The following HTR4 variants were observed in gnomAD, a reference collection of about 807,000 sequenced individuals.
HTR4 encodes the protein 5-hydroxytryptamine receptor 4, also known as 5-hydroxytryptamine (serotonin) receptor 4, G protein-coupled.
Under a neutral mutation model 36.8 loss-of-function variants are expected in HTR4, and 16 were observed. The ratio of observed to expected loss-of-function variants is 0.43; its 90% CI spans 0.29 to 0.66. The LOEUF (loss-of-function observed/expected upper bound fraction) is 0.66. Among genes scored for constraint, HTR4 ranks in the 30% least tolerant of loss-of-function variants. HTR4 has a pLI of 0.13. For missense variants in HTR4, 438 were observed against 490.9 expected, an observed-to-expected ratio of 0.89 and a Z score of 1.02; for synonymous variants, 189 against 185.1, an observed-to-expected ratio of 1.02 and a Z score of -0.17.
chr5:148,654,290 G>A lies in HTR4; in HGVS notation c.-276C>T, dbSNP rs919007045. 9.6e-5 allele frequency: 95 copies of A among 985,132 alleles called. No individual in the cohort carries two copies. In the African/African-American group the frequency reaches 1.5e-3, roughly 16 times the overall value. 61.0% of individuals were successfully genotyped at this position (985,132 alleles called of 1,614,324 possible). ...AGGACCCCAGCCCCGGATCACCTGG[G>A]CTCGCCGCGCATCGTCCTTCTCCCC... On this transcript the variant is annotated 5_prime_UTR_variant, in exon 1 of 7. Transcript: ENST00000377888.
At chr5:148,630,421 G>C (rs1238204770) in intron 2 of HTR4, 1 of 152,120 alleles carries the variant, frequency 6.6e-6, no homozygotes, top group Non-Finnish European at 1.5e-5. Context: ...GCAGAGAAAA[G>C]AGAAAATGGT....
chr5:148,476,845 A>G, downstream of HTR4: 1 of 1,581,108 alleles, frequency 6.3e-7, no homozygotes, highest in East Asian at 2.2e-5. Flanking sequence ...GGGGATTGGA[A>G]TAGGTCAAAA....
chr5:148,639,775 A>G (rs1179867156), intron 1 of HTR4, among the ~76,000 whole-genome samples: 2 of 151,868 alleles, frequency 1.3e-5, no homozygotes, highest in Non-Finnish European at 2.9e-5. Context: ...TTGTGTCCTC[A>G]TCATAGATAT....
chr5:148,501,013 A>G (rs1756912981), intron 6 of HTR4, among the ~76,000 whole-genome samples: 2 of 152,182 alleles, frequency 1.3e-5, no homozygotes, highest in Admixed American at 1.3e-4. Flanking sequence ...TATCTGAAAG[A>G]AATACTAGCA....
chr5:148,485,688 G>A (rs1455602754), intron 6 of HTR4, among the ~76,000 whole-genome samples: 1 of 152,158 alleles, frequency 6.6e-6, no homozygotes, highest in African/African-American at 2.4e-5. Flanking sequence ...GGGAGACTAG[G>A]TGTAAAGGGG....
At chr5:148,518,762 T>C (rs1275726622) in intron 5 of HTR4, among the ~76,000 whole-genome samples, 5 of 152,146 alleles carry the variant, frequency 3.3e-5, no homozygotes, top group Non-Finnish European at 7.4e-5. Context: ...CCAAGCATGC[T>C]CCCACTCCAG....
chr5:148,538,110 A>G (rs1758921488), intron 4 of HTR4, among the ~76,000 whole-genome samples: 1 of 152,192 alleles, frequency 6.6e-6, no homozygotes, highest in South Asian at 2.1e-4. Flanking sequence ...CATCACATAA[A>G]CAGAACTAAA....
chr5:148,608,119 G>A (rs906068471), intron 2 of HTR4, among the ~76,000 whole-genome samples: 58 of 152,042 alleles, frequency 3.8e-4, no homozygotes, highest in Admixed American at 3.8e-3. Flanking sequence ...ATGAAGAGCT[G>A]GTTTATCAAG....
chr5:148,595,880 A>C (rs1761753246), intron 2 of HTR4, among the ~76,000 whole-genome samples: 1 of 152,240 alleles, frequency 6.6e-6, no homozygotes, highest in Non-Finnish European at 1.5e-5. Flanking sequence ...GTAGTGACAC[A>C]CTTATTTACT....
chr5:148,584,344 A>T (rs1213143174), intron 2 of HTR4, among the ~76,000 whole-genome samples: 3 of 152,152 alleles, frequency 2.0e-5, no homozygotes, highest in African/African-American at 7.2e-5. Context: ...GGACATCAGG[A>T]GTCCAGTCAC....
At chr5:148,544,287 C>T in intron 4 of HTR4, among the ~76,000 whole-genome samples, 1 of 43,198 alleles carries the variant, frequency 2.3e-5, no homozygotes, top group South Asian at 4.6e-4. Context: ...TTCTCTCTTT[C>T]TCTCTCTCTC....
intron 2 of HTR4, among the ~76,000 whole-genome samples, chr5:148,618,463 G>A (rs777531952): frequency 2.0e-5 from 3 of 152,192 alleles, no homozygotes; most frequent in African/African-American, 7.2e-5. Flanking sequence ...TCAACAGGAT[G>A]CATTAGCAGG....
intron 2 of HTR4, among the ~76,000 whole-genome samples, chr5:148,573,605 C>T (rs1760766684): frequency 2.0e-5 from 3 of 151,878 alleles, no homozygotes; most frequent in Admixed American, 2.0e-4. Context: ...AAAGACTCAC[C>T]CAACTATAAG....
chr5:148,566,278 A>C lies in HTR4; in HGVS notation c.27-16016T>G, dbSNP rs377331110. ...TCAACCTTTGTAAAAATATGTATTTATATATGGGTCCAGATACTATAGTGA... is the reference window on the plus strand; with the variant it reads ...TCAACCTTTGTAAAAATATGTATTTCTATATGGGTCCAGATACTATAGTGA... On this transcript the variant is annotated intron_variant, in intron 2 of 6. Transcript: ENST00000377888. Among the ~76,000 whole-genome samples the C allele has an allele frequency of 9.8e-5, 15 of 152,342 alleles. No homozygotes were observed. The South Asian group carries it at 2.7e-3, about 27-fold the overall frequency.
At chr5:148,652,180 G>A (rs571924745) in intron 1 of HTR4, among the ~76,000 whole-genome samples, 5 of 152,210 alleles carry the variant, frequency 3.3e-5, no homozygotes, top group South Asian at 2.1e-4. Context: ...TCCCAAGTAA[G>A]GGTCTTACCT....
In HTR4 at chr5:148,481,808, G is replaced by A; in HGVS notation, c.*1395C>T. The stretch of plus-strand genomic sequence containing the variant: ...GACTTCTGCTATGGGGCATTCGCAA[G>A]AGCCACTGACTCAGCTTTGAATAAA... On this transcript the variant is annotated 3_prime_UTR_variant, in exon 7 of 7. Transcript: ENST00000377888. 1.5e-6 allele frequency: 2 copies of A among 1,352,988 alleles called. No individual in the cohort carries two copies. The highest frequency in any genetic ancestry group is 1.5e-5 in the African/African-American group (1 of 67,646). 83.8% of individuals were successfully genotyped at this position (1,352,988 alleles called of 1,614,324 possible).
At chr5:148,460,154 C>A (rs1173100733) in intron 5 of HTR4, among the ~76,000 whole-genome samples, 1 of 147,114 alleles carries the variant, frequency 6.8e-6, no homozygotes. Flanking sequence ...AACTATGGGA[C>A]AACTAAAAAA....
intron 4 of HTR4, among the ~76,000 whole-genome samples, chr5:148,528,031 A>G (rs1250395609): frequency 6.6e-6 from 1 of 152,222 alleles, no homozygotes; most frequent in East Asian, 1.9e-4. Flanking sequence ...AAACATGCCC[A>G]AACACAGATG....
At chr5:148,507,721 C>CT (rs1350665765) in intron 6 of HTR4, among the ~76,000 whole-genome samples, 2 of 151,976 alleles carry the variant, frequency 1.3e-5, no homozygotes, top group Admixed American at 6.6e-5. Flanking sequence ...GTAAAATAGG[C>CT]TTTCTTGGGC....
Sources: allele counts gnomAD v4.1 joint callset (sites outside exome capture counted in the v4.1 genomes callset), GRCh38; gene constraint gnomAD v4.1.1; transcripts MANE v1.5; gene names NCBI Gene and HGNC (gene_info 2026-07-23, HGNC 2026-07-21).